PRKAR2A: variants seen among roughly 807,000 people sequenced by gnomAD.
PRKAR2A encodes protein kinase cAMP-dependent type II regulatory subunit alpha.
In PRKAR2A, 29 loss-of-function variants were observed where a neutral mutation model predicts 51.9. The ratio of observed to expected loss-of-function variants is 0.56; its 90% CI spans 0.42 to 0.76. The LOEUF is 0.76. PRKAR2A is among the 30% of genes least tolerant of loss of function. The probability of loss-of-function intolerance (pLI) is 0.00; values close to 1 mark genes in which losing one functional copy is unlikely to be tolerated. For synonymous variants in PRKAR2A, 178 were observed against 186.2 expected (o/e 0.96, Z 0.36); for missense variants, 445 against 512.1 (o/e 0.87, Z 1.26).
rs529615888 is a variant in PRKAR2A, at chr3:48,758,285, G to A, written c.874-1841C>T. Among the ~76,000 whole-genome samples, 376 of 148,930 alleles carry A rather than the reference G, an allele frequency of 2.5e-3. 3 individuals are homozygous for A. The highest frequency in any genetic ancestry group is 8.4e-3 in the African/African-American group (340 of 40,646). Reference sequence around the variant, plus strand: ...AAAAAAAAAAGAAAAAAAGAAAAAAGGAAAAAAAAATGGCCTGGTGCAGTG... The same window carrying A: ...AAAAAAAAAAGAAAAAAAGAAAAAAAGAAAAAAAAATGGCCTGGTGCAGTG... On this transcript the variant is annotated intron_variant, in intron 8 of 10. Transcript: ENST00000265563.
intron 2 of PRKAR2A, among the ~76,000 whole-genome samples, chr3:48,807,421 G>A (rs1176310553): frequency 6.6e-6 from 1 of 152,084 alleles, no homozygotes; most frequent in Non-Finnish European, 1.5e-5. Flanking sequence ...TGAAAAAACA[G>A]TAATGACATA....
intron 6 of PRKAR2A, among the ~76,000 whole-genome samples, chr3:48,772,154 G>C (rs1283483218): frequency 2.0e-5 from 3 of 152,064 alleles, no homozygotes. Context: ...ATAGTTGTTT[G>C]TGTGTGTGTT....
At chr3:48,829,818 T>C (rs2083150910) in intron 1 of PRKAR2A, among the ~76,000 whole-genome samples, 1 of 135,964 alleles carries the variant, frequency 7.4e-6, no homozygotes, top group South Asian at 2.3e-4. Context: ...TATATATGTA[T>C]GTATATACAT....
Position 48,827,124 on chromosome 3 carries a change from C to CA in PRKAR2A, c.263-19441dup, listed in dbSNP as rs527717955. On this transcript the variant is annotated intron_variant, in intron 1 of 10. Transcript: ENST00000265563. ...ATCCAGAATTCTCTGATGATGGCTA[C>CA]AAAAAAAGCCCTGGAGTACCGCCAA... Among the ~76,000 whole-genome samples the CA allele has an allele frequency of 3.1e-3, 474 of 152,006 alleles. 5 individuals are homozygous for CA. Among genetic ancestry groups the CA allele is most frequent in the African/African-American group, 0.011 (451 of 41,502 alleles).
chr3:48,806,864 TG>T (rs1220694894), intron 2 of PRKAR2A, among the ~76,000 whole-genome samples: 2 of 151,948 alleles, frequency 1.3e-5, no homozygotes, highest in Non-Finnish European at 2.9e-5. Context: ...CTCCACCTCC[TG>T]GGTTCAAGTG....
intron 8 of PRKAR2A, among the ~76,000 whole-genome samples, chr3:48,757,070 A>G (rs2081782758): frequency 6.6e-6 from 1 of 152,210 alleles, no homozygotes; most frequent in African/African-American, 2.4e-5. Context: ...AGCATTACAC[A>G]AACAGCTTCA....
intron 2 of PRKAR2A, among the ~76,000 whole-genome samples, chr3:48,797,034 A>G (rs1349056907): frequency 6.6e-6 from 1 of 151,986 alleles, no homozygotes; most frequent in Non-Finnish European, 1.5e-5. Context: ...GGATTTATTT[A>G]TCATCTGTTA....
intron 1 of PRKAR2A, among the ~76,000 whole-genome samples, chr3:48,834,034 TAAAAAAAAA>T (rs569678133): frequency 3.8e-5 from 4 of 104,480 alleles, no homozygotes; most frequent in African/African-American, 1.4e-4. Context: ...GACTCCGTCT[TAAAAAAAAA>T]AAAAAAAGAA....
intron 5 of PRKAR2A, 95 bp downstream of exon 5, chr3:48,782,891 C>T (rs1026498920): frequency 4.5e-6 from 4 of 889,038 alleles, no homozygotes; most frequent in Non-Finnish European, 7.2e-6. Flanking sequence ...GGCCCTTAGC[C>T]TCTCTGGGCT....
intron 2 of PRKAR2A, among the ~76,000 whole-genome samples, chr3:48,796,304 G>A (rs1003720311): frequency 2.6e-5 from 4 of 152,170 alleles, no homozygotes; most frequent in African/African-American, 7.2e-5. Context: ...CAGGTGTCAG[G>A]CACAGTAAGG....
At chr3:48,759,482 G>A (rs1345293398) in intron 8 of PRKAR2A, among the ~76,000 whole-genome samples, 2 of 152,014 alleles carry the variant, frequency 1.3e-5, no homozygotes, top group Admixed American at 1.3e-4. Flanking sequence ...TACCTCCTGG[G>A]TTCAAGTGAT....
At chr3:48,757,297 C>A (rs1429375992) in intron 8 of PRKAR2A, among the ~76,000 whole-genome samples, 1 of 152,176 alleles carries the variant, frequency 6.6e-6, no homozygotes, top group African/African-American at 2.4e-5. Flanking sequence ...AAAGTGGTCA[C>A]ATTTCAAGGC....
chr3:48,817,316 A>AC (rs1474202555), intron 1 of PRKAR2A, among the ~76,000 whole-genome samples: 1 of 138,000 alleles, frequency 7.2e-6, no homozygotes, highest in African/African-American at 2.8e-5. Context: ...ACACAGCAAG[A>AC]CTACGTCTCA....
chr3:48,816,326 T>A (rs1251483598), intron 1 of PRKAR2A, among the ~76,000 whole-genome samples: 1 of 152,188 alleles, frequency 6.6e-6, no homozygotes, highest in African/African-American at 2.4e-5. Context: ...AAGACTGGCA[T>A]TTTGTCAGAC....
chr3:48,826,071 C>T (rs904048268), intron 1 of PRKAR2A, among the ~76,000 whole-genome samples: 10 of 152,060 alleles, frequency 6.6e-5, no homozygotes, highest in South Asian at 2.1e-4. Flanking sequence ...GAGATCGGCC[C>T]GGGCAACATA....
At chr3:48,829,588 A>ATACGTGTG (rs2083135152) in intron 1 of PRKAR2A, among the ~76,000 whole-genome samples, 3 of 8,834 alleles carry the variant, frequency 3.4e-4, no homozygotes, top group African/African-American at 1.6e-3. Context: ...ATATGTGTGT[A>ATACGTGTG]TATATACACA....
chr3:48,835,438 G>A (rs1396764302), intron 1 of PRKAR2A, among the ~76,000 whole-genome samples: 2 of 151,876 alleles, frequency 1.3e-5, no homozygotes, highest in Non-Finnish European at 2.9e-5. Flanking sequence ...TCAGCAGATC[G>A]AGGCCATCCT....
At chr3:48,760,384 CA>C (rs2081845636) in intron 8 of PRKAR2A, among the ~76,000 whole-genome samples, 2 of 151,622 alleles carry the variant, frequency 1.3e-5, no homozygotes, top group South Asian at 4.1e-4. Flanking sequence ...CAAAACAAAA[CA>C]CAAAAATGTA....
At chr3:48,801,650 T>G (rs947498052) in intron 2 of PRKAR2A, among the ~76,000 whole-genome samples, 1 of 152,174 alleles carries the variant, frequency 6.6e-6, no homozygotes, top group Non-Finnish European at 1.5e-5. Context: ...CTGGCTGGAA[T>G]GCAGTGGTGC....
Sources: allele counts gnomAD v4.1 joint callset (sites outside exome capture counted in the v4.1 genomes callset), GRCh38; gene constraint gnomAD v4.1.1; transcripts MANE v1.5; gene names NCBI Gene and HGNC (gene_info 2026-07-23, HGNC 2026-07-21).